The following CHD9NB variants were observed in gnomAD, a reference collection of about 807,000 sequenced individuals.
CHD9NB encodes the protein CHD9 neighbor, also known as CHD9 neighbor protein.
At chr16:53,046,935 A>G in the CHD9NB span, among the ~76,000 whole-genome samples, 1 of 152,166 alleles carries the variant, frequency 6.6e-6, no homozygotes, top group African/African-American at 2.4e-5. Flanking sequence ...TCGGATGAGG[A>G]CTGTGATTTG....
the CHD9NB span, among the ~76,000 whole-genome samples, chr16:53,042,143 T>C: frequency 6.6e-6 from 1 of 152,062 alleles, no homozygotes; most frequent in African/African-American, 2.4e-5. Flanking sequence ...TTGCAGCACC[T>C]TACTGCTTCG....
chr16:53,042,034 T>C, the CHD9NB span, among the ~76,000 whole-genome samples: 1 of 152,220 alleles, frequency 6.6e-6, no homozygotes, highest in Non-Finnish European at 1.5e-5. Context: ...CTTTGCTTTT[T>C]GTGCCTCCTT....
At chr16:53,040,604 G>T in the CHD9NB span, among the ~76,000 whole-genome samples, 1 of 152,064 alleles carries the variant, frequency 6.6e-6, no homozygotes, top group Non-Finnish European at 1.5e-5. Context: ...TGTTCCAGGC[G>T]GTACTCCCAC....
chr16:53,048,002 G>A, the CHD9NB span, among the ~76,000 whole-genome samples: 7 of 111,114 alleles, frequency 6.3e-5, no homozygotes, highest in Non-Finnish European at 1.2e-4. Context: ...CAAAAAAAAA[G>A]AAGGGAAGGA....
At chr16:53,048,438 A>C in the CHD9NB span, among the ~76,000 whole-genome samples, 1 of 152,162 alleles carries the variant, frequency 6.6e-6, no homozygotes, top group Non-Finnish European at 1.5e-5. Flanking sequence ...AAAGAAAATA[A>C]AATAAAAATT....
At chr16:53,036,647 T>C in the CHD9NB span, among the ~76,000 whole-genome samples, 1 of 152,196 alleles carries the variant, frequency 6.6e-6, no homozygotes, top group Admixed American at 6.5e-5. Flanking sequence ...AACCACCTCT[T>C]GGAACCACTT....
the CHD9NB span, chr16:53,043,817 A>C: frequency 2.5e-6 from 1 of 393,420 alleles, no homozygotes; most frequent in South Asian, 1.4e-4. Context: ...TTATAGACTT[A>C]TCCTCCCCAC....
chr16:53,042,384 C>A, the CHD9NB span, among the ~76,000 whole-genome samples: 1 of 150,014 alleles, frequency 6.7e-6, no homozygotes, highest in African/African-American at 2.5e-5. Context: ...CCCTTTCTCT[C>A]CCTCTCCTTC....
chr16:53,042,154 C>T, the CHD9NB span, among the ~76,000 whole-genome samples: 2 of 151,632 alleles, frequency 1.3e-5, no homozygotes, highest in Non-Finnish European at 2.9e-5. Context: ...TACTGCTTCG[C>T]CCTCCCTTTC....
At chr16:53,041,608 C>CTCA in the CHD9NB span, among the ~76,000 whole-genome samples, 1 of 152,118 alleles carries the variant, frequency 6.6e-6, no homozygotes, top group Non-Finnish European at 1.5e-5. Context: ...AGCTCTGCCC[C>CTCA]TCAGGAGCTA....
chr16:53,043,942 C>G, the CHD9NB span: 1 of 398,548 alleles, frequency 2.5e-6, no homozygotes, highest in Non-Finnish European at 4.4e-6. Flanking sequence ...TCTCATGGTT[C>G]TGGGGCCAAA....
chr16:53,037,616 G>T, the CHD9NB span, among the ~76,000 whole-genome samples: 1 of 152,214 alleles, frequency 6.6e-6, no homozygotes, highest in African/African-American at 2.4e-5. Context: ...CCCAGAGTGG[G>T]GTTAATGGAG....
At chr16:53,042,337 T>C in the CHD9NB span, among the ~76,000 whole-genome samples, 1 of 140,396 alleles carries the variant, frequency 7.1e-6, no homozygotes, top group African/African-American at 2.6e-5. Context: ...CCCTCTCCCA[T>C]TCTGCCTCTC....
At chr16:53,040,513 C>A in the CHD9NB span, among the ~76,000 whole-genome samples, 1 of 152,214 alleles carries the variant, frequency 6.6e-6, no homozygotes, top group Non-Finnish European at 1.5e-5. Flanking sequence ...TCCAAAATAA[C>A]CATCCTCTTT....
At chr16:53,038,804 T>G in the CHD9NB span, among the ~76,000 whole-genome samples, 1 of 152,210 alleles carries the variant, frequency 6.6e-6, no homozygotes, top group Non-Finnish European at 1.5e-5. Context: ...GTGAATGGAT[T>G]AAAACTCCCT....
the CHD9NB span, among the ~76,000 whole-genome samples, chr16:53,048,118 T>A: frequency 6.6e-6 from 1 of 151,820 alleles, no homozygotes; most frequent in East Asian, 1.9e-4. Flanking sequence ...ATTAAGAAAA[T>A]TTGGTCTGGG....
chr16:53,041,325 C>T, the CHD9NB span, among the ~76,000 whole-genome samples: 1 of 152,198 alleles, frequency 6.6e-6, no homozygotes, highest in Non-Finnish European at 1.5e-5. Context: ...GGGAGACAGA[C>T]GAGTGATGCT....
At chr16:53,038,208 G>C in the CHD9NB span, among the ~76,000 whole-genome samples, 3 of 152,176 alleles carry the variant, frequency 2.0e-5, no homozygotes, top group Non-Finnish European at 4.4e-5. Flanking sequence ...TTAGATTAAC[G>C]ACAGTGGGTC....
the CHD9NB span, among the ~76,000 whole-genome samples, chr16:53,040,581 C>T: frequency 2.0e-5 from 3 of 152,136 alleles, no homozygotes; most frequent in Non-Finnish European, 4.4e-5. Flanking sequence ...GGAAAGATCT[C>T]CCTGGACCAC....
Sources: allele counts gnomAD v4.1 joint callset (sites outside exome capture counted in the v4.1 genomes callset), GRCh38; gene constraint gnomAD v4.1.1; transcripts MANE v1.5; gene names NCBI Gene and HGNC (gene_info 2026-07-23, HGNC 2026-07-21).